Variants in IRF2 observed in about 807,000 individuals in gnomAD.
IRF2 encodes the protein interferon regulatory factor 2.
A neutral mutation model predicts 40.6 loss-of-function variants in IRF2; 15 were observed. The ratio of observed to expected loss-of-function variants is 0.37; its 90% CI spans 0.25 to 0.57. The LOEUF (loss-of-function observed/expected upper bound fraction) is 0.57, where lower values mean the gene tolerates loss of function less well. Ranked by LOEUF, IRF2 falls within the 20% of genes least tolerant of loss-of-function variation. IRF2 has a pLI of 0.77. For synonymous variants in IRF2, 151 were observed against 165.5 expected, an observed-to-expected ratio of 0.91 and a Z score of 0.67; for missense variants, 317 against 455.7, an observed-to-expected ratio of 0.70 and a Z score of 2.77.
At position 184,390,761 on chromosome 4, in the gene IRF2, G is replaced by A. The variant is rs774469214; in HGVS notation, c.695-12C>T. 17 of 1,614,210 alleles carry A rather than the reference G, an allele frequency of 1.1e-5. No homozygotes were observed. The highest frequency in any genetic ancestry group is 1.4e-5 in the Non-Finnish European group (17 of 1,180,020). ...AGTCGTTTCGCTTTCTGTTCACAGA[G>A]AGAAAAACACAGGGCCATCATTCCT... On this transcript the variant is annotated splice_polypyrimidine_tract_variant and intron_variant, in intron 7 of 8. Coordinates refer to ENST00000393593, the MANE Select transcript of IRF2 (RefSeq NM_002199.4).
At chr4:184,464,985 G>A (rs1017268566) in intron 1 of IRF2, among the ~76,000 whole-genome samples, 1 of 152,012 alleles carries the variant, frequency 6.6e-6, no homozygotes. Context: ...CAAGGTTTAG[G>A]GGCCTGACAC....
chr4:184,433,338 G>T (rs793816), intron 1 of IRF2, among the ~76,000 whole-genome samples: 8,339 of 152,092 alleles, frequency 0.055, 765 homozygotes, highest in African/African-American at 0.19. Flanking sequence ...TCCCCTTATT[G>T]TTCATGCTCA....
chr4:184,470,128 G>A (rs1443723884), intron 1 of IRF2, among the ~76,000 whole-genome samples: 5 of 152,190 alleles, frequency 3.3e-5, no homozygotes, highest in African/African-American at 7.2e-5. Flanking sequence ...ACAGGGGGCC[G>A]ACGGGGCAGG....
intron 7 of IRF2, among the ~76,000 whole-genome samples, chr4:184,393,806 C>A (rs1003783839): frequency 3.3e-4 from 51 of 152,260 alleles, no homozygotes; most frequent in African/African-American, 9.1e-4. Context: ...AACCCTGAAC[C>A]TCCCCCTGAG....
At chr4:184,459,204 G>T (rs1174466462) in intron 1 of IRF2, among the ~76,000 whole-genome samples, 1 of 152,104 alleles carries the variant, frequency 6.6e-6, no homozygotes, top group African/African-American at 2.4e-5. Flanking sequence ...AAGGGCAGCC[G>T]CGAGGATAAA....
At chr4:184,439,961 G>A (rs1168423216) in intron 1 of IRF2, among the ~76,000 whole-genome samples, 3 of 152,222 alleles carry the variant, frequency 2.0e-5, no homozygotes, top group Non-Finnish European at 4.4e-5. Context: ...TTCGTCCAGA[G>A]ATCAAGCCTT....
Position 184,388,437 on chromosome 4 carries a change from G to A in IRF2, c.*321C>T, listed in dbSNP as rs548401942. ...CCAGCTAGTTCACATTATCTCGTCC[G>A]TTCTGAGGCATCCACTCCACCTTGC... is the stretch of plus-strand genomic sequence containing the variant. On this transcript the variant is annotated 3_prime_UTR_variant, in exon 9 of 9. Coordinates refer to ENST00000393593, the MANE Select transcript of IRF2 (RefSeq NM_002199.4). This position sits in a 1 kb window ranked among gnomAD's most constrained non-coding sequence, Gnocchi z 4.6. 19 of 349,674 alleles carry A rather than the reference G, an allele frequency of 5.4e-5. No individual in the cohort carries two copies. Among genetic ancestry groups the A allele is most frequent in the African/African-American group, 2.2e-4 (10 of 45,816 alleles). 21.7% of individuals were successfully genotyped at this position (349,674 alleles called of 1,614,324 possible).
intron 1 of IRF2, among the ~76,000 whole-genome samples, chr4:184,444,661 T>C (rs1269126039): frequency 6.6e-6 from 1 of 152,152 alleles, no homozygotes; most frequent in African/African-American, 2.4e-5. Context: ...AGTCAAATAA[T>C]AGAGTATTGG....
chr4:184,467,296 T>G (rs1739360467), intron 1 of IRF2, among the ~76,000 whole-genome samples: 1 of 152,222 alleles, frequency 6.6e-6, no homozygotes, highest in Admixed American at 6.5e-5. Context: ...TCTCCCTGCC[T>G]GATTGTCTCT....
chr4:184,433,829 G>A (rs976956221), intron 1 of IRF2, among the ~76,000 whole-genome samples: 19 of 152,156 alleles, frequency 1.2e-4, no homozygotes, highest in Middle Eastern at 3.2e-3. Flanking sequence ...CTCGCGACAC[G>A]GTACAAAGTT....
chr4:184,416,553 A>G (rs1737283964), intron 5 of IRF2, among the ~76,000 whole-genome samples: 1 of 152,086 alleles, frequency 6.6e-6, no homozygotes, highest in Non-Finnish European at 1.5e-5. Context: ...AACAACTGAA[A>G]CTCTGACCAC....
At chr4:184,452,891 G>A (rs1244549454) in intron 1 of IRF2, among the ~76,000 whole-genome samples, 2 of 151,778 alleles carry the variant, frequency 1.3e-5, no homozygotes, top group Non-Finnish European at 2.9e-5. Context: ...TGCACTATGG[G>A]AGTATAAAAT....
chr4:184,422,311 T>C (rs1220404022), intron 2 of IRF2, among the ~76,000 whole-genome samples: 1 of 152,196 alleles, frequency 6.6e-6, no homozygotes, highest in Non-Finnish European at 1.5e-5. Context: ...GTGGAGAAAC[T>C]GGAATCCTCA....
At position 184,413,954 on chromosome 4, in the gene IRF2, G is replaced by A. The variant is rs1461679637; in HGVS notation, c.411+4213C>T. 2.0e-5 allele frequency among the ~76,000 whole-genome samples: 3 copies of A among 152,202 alleles called. No individual in the cohort carries two copies. Among genetic ancestry groups the A allele is most frequent in the East Asian group, 3.8e-4 (2 of 5,200 alleles). Reference sequence around the variant, plus strand: ...TCCTGATGCCCCTAGTGCTGCGGAAGGACCAGTTTGACCCTGTCCACCCCT... The same window carrying A: ...TCCTGATGCCCCTAGTGCTGCGGAAAGACCAGTTTGACCCTGTCCACCCCT... On this transcript the variant is annotated intron_variant, in intron 5 of 8. Transcript: ENST00000393593. This position sits in a 1 kb window ranked among gnomAD's most constrained non-coding sequence, Gnocchi z 4.2.
At chr4:184,471,015 C>A (rs1004559878) in intron 1 of IRF2, among the ~76,000 whole-genome samples, 1 of 152,048 alleles carries the variant, frequency 6.6e-6, no homozygotes, top group Non-Finnish European at 1.5e-5. Context: ...CATGTTTAAT[C>A]TTTTATCATT....
intron 5 of IRF2, among the ~76,000 whole-genome samples, chr4:184,411,437 T>C (rs1737069626): frequency 6.6e-6 from 1 of 152,104 alleles, no homozygotes; most frequent in African/African-American, 2.4e-5. Context: ...CGATGGAGGC[T>C]AGGAGAGACT....
chr4:184,433,265 G>A (rs1737955773), intron 1 of IRF2, among the ~76,000 whole-genome samples: 1 of 152,160 alleles, frequency 6.6e-6, no homozygotes, highest in Non-Finnish European at 1.5e-5. Flanking sequence ...CGACCGCTGT[G>A]GTCTGCATCT....
intron 5 of IRF2, 23 bp downstream of exon 5, chr4:184,418,144 C>T (rs1579831458): frequency 1.2e-6 from 2 of 1,604,334 alleles, no homozygotes; most frequent in Non-Finnish European, 1.7e-6. Flanking sequence ...CTTTGGCTTT[C>T]TCTCTGAATC....
chr4:184,465,413 T>C (rs546000582), intron 1 of IRF2, among the ~76,000 whole-genome samples: 2 of 152,330 alleles, frequency 1.3e-5, no homozygotes, highest in East Asian at 3.9e-4. Context: ...CTTGAGAATA[T>C]TTTTCTGGTT....
Sources: allele counts gnomAD v4.1 joint callset (sites outside exome capture counted in the v4.1 genomes callset), GRCh38; gene constraint gnomAD v4.1.1; non-coding constraint Gnocchi (gnomAD v3.1); transcripts MANE v1.5; gene names NCBI Gene and HGNC (gene_info 2026-07-23, HGNC 2026-07-21).